The following SERINC4 variants were observed in gnomAD, a reference collection of about 807,000 sequenced individuals.
SERINC4 encodes serine incorporator 4.
A neutral mutation model predicts 52.0 loss-of-function variants in SERINC4; 52 were observed. That is an observed-to-expected ratio of 1.00 (90% CI 0.80 to 1.26). The LOEUF is 1.26. SERINC4 is among the 50% of genes most tolerant of loss of function. The pLI is 0.00. For synonymous variants in SERINC4, 264 were observed against 247.7 expected, an observed-to-expected ratio of 1.07 and a Z score of -0.62; for missense variants, 723 against 632.8, an observed-to-expected ratio of 1.14 and a Z score of -1.53.
intron 4 of SERINC4, 69 bp downstream of exon 4, chr15:43,798,356 C>T (rs1454028837): frequency 1.8e-5 from 22 of 1,230,078 alleles, no homozygotes; most frequent in Non-Finnish European, 2.5e-5. Flanking sequence ...GCCATTACTC[C>T]TCTTCTTACC....
At position 43,799,142 on chromosome 15, in the gene SERINC4, G is replaced by T; in HGVS notation, c.280-5C>A. The T allele has an allele frequency of 6.5e-7, 1 of 1,546,246 alleles. No homozygotes were observed. The highest frequency in any genetic ancestry group is 8.7e-7 in the Non-Finnish European group (1 of 1,143,328). ...CAACCCCGAGGGCATCTGGATCTGGGAGTGTGTGTGAGAGAAATGGCAGGA... is the reference window on the plus strand; with the variant it reads ...CAACCCCGAGGGCATCTGGATCTGGTAGTGTGTGTGAGAGAAATGGCAGGA... On this transcript the variant is annotated splice_region_variant and splice_polypyrimidine_tract_variant and intron_variant, in intron 2 of 11. Coordinates refer to ENST00000319327, the MANE Select transcript of SERINC4 (RefSeq NM_001258031.2).
Position 43,796,954 on chromosome 15 carries a change from A to G in SERINC4, c.845-14T>C. On this transcript the variant is annotated splice_polypyrimidine_tract_variant and intron_variant, in intron 6 of 11. Transcript: ENST00000319327. ...AGCGGGGTTGCTCTGGGGAGTAAGT[A>G]TAATTGCTTTAGTCTACAGGCTGGT... 2 of 1,604,426 alleles carry G rather than the reference A, an allele frequency of 1.2e-6. No homozygotes were observed. The highest frequency in any genetic ancestry group is 1.1e-5 in the South Asian group (1 of 90,786).
chr15:43,796,300 T>C, intron 8 of SERINC4, 73 bp from the exon 9 acceptor site: 1 of 1,124,022 alleles, frequency 8.9e-7, no homozygotes. Context: ...TACCAATTGG[T>C]CCATACTGGT....
In SERINC4 at chr15:43,799,408, G is replaced by C; in HGVS notation, c.181C>G (p.Arg61Gly). 1 of 1,550,820 alleles carries C rather than the reference G, an allele frequency of 6.4e-7. No homozygotes were observed. The highest frequency in any genetic ancestry group is 8.7e-7 in the Non-Finnish European group (1 of 1,147,018). The change falls in exon 2 of 12, where the codon CGC (arginine) becomes GGC (glycine). Residue 61 changes from arginine to glycine, a missense_variant. Transcript: ENST00000319327. Reference sequence around the variant, plus strand: ...ACATGGAGGAGGATGTAGAACAGGCGGCTGCAAGTGGATGCGGTGAGAGAG... The same window carrying C: ...ACATGGAGGAGGATGTAGAACAGGCCGCTGCAAGTGGATGCGGTGAGAGAG... ...WPSLTASTCS[R>G]LFYILLHVGA...
intron 1 of SERINC4, 42 bp downstream of exon 1, chr15:43,799,843 T>G: frequency 2.1e-6 from 3 of 1,428,294 alleles, no homozygotes; most frequent in Non-Finnish European, 2.9e-6. Context: ...CTGCACGTCT[T>G]CCTCCCCAGC....
At position 43,795,027 on chromosome 15, in the gene SERINC4, G is replaced by A. The variant is rs1338368612; in HGVS notation, c.1530C>T (p.Ser510=). The A allele has an allele frequency of 1.9e-6, 3 of 1,612,092 alleles. No homozygotes were observed. Among genetic ancestry groups the A allele is most frequent in the East Asian group, 2.2e-5 (1 of 44,882 alleles). ...AGACTGGAGGATATTTGTTATCTGGGGATATGATGCGGTGGCGGCGGCGCC... is the reference window on the plus strand; with the variant it reads ...AGACTGGAGGATATTTGTTATCTGGAGATATGATGCGGTGGCGGCGGCGCC... ...ILRRRRHRII[S]PDNKYPPV is the part of the protein sequence containing the mutation. The change falls in exon 12 of 12, where the codon TCC becomes TCT. Residue 510 remains serine (S), a synonymous_variant. Coordinates refer to ENST00000319327, the MANE Select transcript of SERINC4 (RefSeq NM_001258031.2).
In SERINC4 at chr15:43,797,249, T is replaced by C; in HGVS notation, c.740A>G (p.Tyr247Cys). Reference sequence around the variant, plus strand: ...AAGCAGGCAGCCAGCTGGGTGTGTATAATAGTGGAATAGGAGCACAGCTCC... The same window carrying C: ...AAGCAGGCAGCCAGCTGGGTGTGTACAATAGTGGAATAGGAGCACAGCTCC... Reference protein sequence around the residue: ...GVGAVLLFHYYTHPAGCLLNK... With the variant: ...GVGAVLLFHYCTHPAGCLLNK... Residue 247 changes from tyrosine (Y) to cysteine (C), a missense_variant, in exon 6 of 12, where the codon TAT becomes TGT. Tyr to Cys is a radical substitution (Grantham distance 194). Coordinates refer to ENST00000319327, the MANE Select transcript of SERINC4 (RefSeq NM_001258031.2). 6.5e-7 allele frequency: 1 copy of C among 1,550,370 alleles called. No homozygotes were observed. The highest frequency in any genetic ancestry group is 8.7e-7 in the Non-Finnish European group (1 of 1,146,938).
At chr15:43,799,201 C>T in intron 2 of SERINC4, 64 bp from the exon 3 acceptor site, 1 of 1,511,288 alleles carries the variant, frequency 6.6e-7, no homozygotes. Flanking sequence ...ACCTACTTGT[C>T]ACGGGTATGA....
At chr15:43,797,635 C>A in intron 5 of SERINC4, 1 of 509,154 alleles carries the variant, frequency 2.0e-6, no homozygotes, top group Non-Finnish European at 3.5e-6. Flanking sequence ...TCATGATCCA[C>A]CCACCTCGGC....
At position 43,797,331 on chromosome 15, in the gene SERINC4, TAC is replaced by T. The variant is rs2087235748; in HGVS notation, c.656_657del (p.Cys219Ter). On this transcript the variant is annotated frameshift_variant, in exon 6 of 12. Coordinates refer to ENST00000319327, the MANE Select transcript of SERINC4 (RefSeq NM_001258031.2). LOFTEE classifies it high-confidence loss of function. ...KNWQTGAAQD[C>X]SWFLAVLLAT... ...GCCAGCAGGACAGCCAGGAACCAGC[TAC>T]AGTCTTGAGCTGCACCTGTCTGCCT... 1.3e-6 allele frequency: 2 copies of T among 1,548,284 alleles called. No homozygotes were observed. Among genetic ancestry groups the T allele is most frequent in the Non-Finnish European group, 1.7e-6 (2 of 1,146,852 alleles).
rs781720377 is a variant in SERINC4 at position 43,796,736 on chromosome 15, A to G, written c.947T>C (p.Leu316Pro). 3.1e-6 allele frequency: 5 copies of G among 1,614,202 alleles called. No individual in the cohort carries two copies. Among genetic ancestry groups the G allele is most frequent in the Non-Finnish European group, 4.2e-6 (5 of 1,180,030 alleles). The change falls in exon 8 of 12, where the codon CTT becomes CCT. Residue 316 changes from leucine (L) to proline (P), a missense_variant. Leu to Pro is a moderately conservative substitution (Grantham distance 98, BLOSUM62 -3). Transcript: ENST00000319327. ...LSSRPPERVI[L>P]QGQNHTLCLP... is the part of the protein sequence containing the mutation. The stretch of plus-strand genomic sequence containing the variant: ...GCACAGGGTGTGATTCTGTCCTTGA[A>G]GGATTACTGGGAAGGGACAACAGAA...
chr15:43,795,238 G>A, intron 11 of SERINC4, 25 bp from the exon 12 acceptor site: 2 of 1,610,118 alleles, frequency 1.2e-6, no homozygotes, highest in Non-Finnish European at 1.7e-6. Context: ...GCTCTGGTTA[G>A]AGAATATGAA....
At chr15:43,799,677 G>A (rs1320542135) in intron 1 of SERINC4, 191 bp from the exon 2 acceptor site, 3 of 832,164 alleles carry the variant, frequency 3.6e-6, no homozygotes, top group Non-Finnish European at 4.1e-6. Context: ...AACTTAGTAG[G>A]GCTTTCATTA....
chr15:43,795,574 C>G, intron 10 of SERINC4, 33 bp from the exon 11 acceptor site: 1 of 1,613,644 alleles, frequency 6.2e-7, no homozygotes, highest in Non-Finnish European at 8.5e-7. Flanking sequence ...GGGAGCAGAG[C>G]TGCTGAAACA....
chr15:43,795,061 A>G lies in SERINC4; in HGVS notation c.1496T>C (p.Leu499Pro), dbSNP rs1224961284. The G allele has an allele frequency of 6.4e-7, 1 of 1,564,978 alleles. No individual in the cohort carries two copies. Among genetic ancestry groups the G allele is most frequent in the Admixed American group, 1.7e-5 (1 of 59,774 alleles). ...GCGGTGGCGGCGGCGCCTCAAGATA[A>G]GGGGCTGGGGTTTCTGGGTGGGGGG... The part of the protein sequence containing the change: ...CWPPTQKPQP[L>P]ILRRRRHRII... The change falls in exon 12 of 12, where the codon CTT becomes CCT. Residue 499 changes from leucine to proline, a missense_variant. Transcript: ENST00000319327.
At chr15:43,797,055 T>C in intron 6 of SERINC4, 90 bp downstream of exon 6, 2 of 1,455,190 alleles carry the variant, frequency 1.4e-6, no homozygotes, top group Non-Finnish European at 9.6e-7. Flanking sequence ...CAGAGATTCT[T>C]TTATCAAATA....
In SERINC4 at chr15:43,795,482, G is replaced by C. The variant is rs745672740; in HGVS notation, c.1249C>G (p.Gln417Glu). The change falls in exon 11 of 12, where the codon CAA becomes GAA. Residue 417 changes from glutamine (Q) to glutamate (E), a missense_variant. Gln to Glu is a conservative substitution (Grantham distance 29, BLOSUM62 2). Coordinates refer to ENST00000319327, the MANE Select transcript of SERINC4 (RefSeq NM_001258031.2). ...TAGTTGTAGGAAAGATGCTGGACTT[G>C]GACTGGAGGAGCTGGAGGGGTTTCT... is the stretch of plus-strand genomic sequence containing the variant. ...DQETPPAPPV[Q>E]VQHLSYNYSA... 1.2e-5 allele frequency: 20 copies of C among 1,614,160 alleles called. No individual in the cohort carries two copies. Among genetic ancestry groups the C allele is most frequent in the Non-Finnish European group, 1.7e-5 (20 of 1,180,020 alleles).
chr15:43,796,928 G>C lies in SERINC4; in HGVS notation c.857C>G (p.Ser286Cys). The part of the protein sequence containing the change: ...APCIRLKQPR[S>C]GLLQASVISC... ...GATGACAGAAGCTTGTAGGAGGCCAGAGCGGGGTTGCTCTGGGGAGTAAGT... is the reference window on the plus strand; with the variant it reads ...GATGACAGAAGCTTGTAGGAGGCCACAGCGGGGTTGCTCTGGGGAGTAAGT... The change falls in exon 7 of 12, where the codon TCT (serine) becomes TGT (cysteine). Residue 286 changes from serine (S) to cysteine (C), a missense_variant. By Grantham distance (112) the Ser-to-Cys change is moderately radical. Coordinates refer to ENST00000319327, the MANE Select transcript of SERINC4 (RefSeq NM_001258031.2). 1.2e-6 allele frequency: 2 copies of C among 1,613,930 alleles called. No homozygotes were observed. The highest frequency in any genetic ancestry group is 2.7e-5 in the African/African-American group (2 of 75,052).
At chr15:43,799,249 C>T (rs933948781) in intron 2 of SERINC4, 61 bp downstream of exon 2, 2 of 1,522,844 alleles carry the variant, frequency 1.3e-6, no homozygotes, top group Admixed American at 2.0e-5. Context: ...GAAACCTTTT[C>T]TATCTTAGGG....
Sources: allele counts gnomAD v4.1 joint callset, GRCh38; gene constraint gnomAD v4.1.1; transcripts MANE v1.5; gene names NCBI Gene and HGNC (gene_info 2026-07-23, HGNC 2026-07-21).